The following ADGRL3 variants were observed in gnomAD, a reference collection of about 807,000 sequenced individuals.
The protein encoded by ADGRL3 is adhesion G protein-coupled receptor L3, also known as calcium-independent alpha-latrotoxin receptor 3.
A neutral mutation model predicts 153.5 loss-of-function variants in ADGRL3; 62 were observed. The ratio of observed to expected loss-of-function variants is 0.40; its 90% CI spans 0.33 to 0.50. The LOEUF (loss-of-function observed/expected upper bound fraction) is 0.50, where lower values mean the gene tolerates loss of function less well. Among genes scored for constraint, ADGRL3 ranks in the 20% least tolerant of loss-of-function variants. ADGRL3 has a pLI of 0.47. For synonymous variants in ADGRL3, 710 were observed against 672.5 expected (o/e 1.06, Z -0.86); for missense variants, 1,641 against 1,859.4 (o/e 0.88, Z 2.16).
At chr4:61,616,558 C>T (rs1208463653) in intron 5 of ADGRL3, among the ~76,000 whole-genome samples, 1 of 152,060 alleles carries the variant, frequency 6.6e-6, no homozygotes, top group East Asian at 1.9e-4. Flanking sequence ...AAAAACAAAA[C>T]AAAACAAAAA....
chr4:61,556,493 A>G (rs1328307763), intron 4 of ADGRL3, among the ~76,000 whole-genome samples: 1 of 152,034 alleles, frequency 6.6e-6, no homozygotes, highest in South Asian at 2.1e-4. Flanking sequence ...ACCTGCAGAA[A>G]ATGAGAGGGC....
intron 3 of ADGRL3, among the ~76,000 whole-genome samples, chr4:61,509,420 G>A (rs887067822): frequency 5.9e-5 from 9 of 152,006 alleles, no homozygotes; most frequent in Admixed American, 4.6e-4. Context: ...GAACCACTGC[G>A]CCTGGCACAT....
At chr4:61,550,726 G>A (rs2098736447) in intron 4 of ADGRL3, among the ~76,000 whole-genome samples, 2 of 151,936 alleles carry the variant, frequency 1.3e-5, no homozygotes, top group Admixed American at 1.3e-4. Context: ...AGCAGTCAAG[G>A]GGGTAGCAAA....
At chr4:61,725,109 G>T (rs2096305027) in intron 6 of ADGRL3, among the ~76,000 whole-genome samples, 1 of 152,028 alleles carries the variant, frequency 6.6e-6, no homozygotes, top group South Asian at 2.1e-4. Context: ...TATTAATTAA[G>T]CTCTGTTTAT....
intron 6 of ADGRL3, among the ~76,000 whole-genome samples, chr4:61,727,405 A>G (rs1033067027): frequency 5.3e-5 from 8 of 152,178 alleles, no homozygotes; most frequent in Non-Finnish European, 1.0e-4. Context: ...AAAAATGTAG[A>G]GAGAAAAGGA....
At chr4:61,594,817 G>C (rs1413725459) in intron 5 of ADGRL3, among the ~76,000 whole-genome samples, 2 of 152,116 alleles carry the variant, frequency 1.3e-5, no homozygotes, top group Non-Finnish European at 2.9e-5. Flanking sequence ...GCCAAGGACT[G>C]GAGTCAAAAA....
chr4:61,453,967 C>T (rs970025585), intron 2 of ADGRL3, among the ~76,000 whole-genome samples: 2 of 151,954 alleles, frequency 1.3e-5, no homozygotes, highest in African/African-American at 4.8e-5. Flanking sequence ...ATACTCTTAC[C>T]TTAAATTACT....
intron 5 of ADGRL3, among the ~76,000 whole-genome samples, chr4:61,648,828 T>G (rs1241699493): frequency 6.6e-6 from 1 of 152,080 alleles, no homozygotes; most frequent in Non-Finnish European, 1.5e-5. Context: ...TGTTCCGATT[T>G]TATTGATGAA....
At chr4:61,408,032 T>C (rs1455383495) in intron 2 of ADGRL3, among the ~76,000 whole-genome samples, 1 of 151,962 alleles carries the variant, frequency 6.6e-6, no homozygotes, top group Non-Finnish European at 1.5e-5. Context: ...AATGAGAAAT[T>C]GGGGCTTCTG....
intron 23 of ADGRL3, among the ~76,000 whole-genome samples, chr4:62,036,260 G>T (rs866135542): frequency 1.3e-5 from 2 of 151,944 alleles, no homozygotes; most frequent in Non-Finnish European, 2.9e-5. Context: ...TGGTGAGAAT[G>T]CCTTTTTCTC....
chr4:61,829,709 G>A (rs1430320248), intron 9 of ADGRL3, among the ~76,000 whole-genome samples: 1 of 152,054 alleles, frequency 6.6e-6, no homozygotes, highest in African/African-American at 2.4e-5. Flanking sequence ...TTTAAAAAAA[G>A]AACTTCTCCA....
intron 6 of ADGRL3, among the ~76,000 whole-genome samples, chr4:61,689,836 A>C (rs948190122): frequency 6.6e-6 from 1 of 152,100 alleles, no homozygotes; most frequent in African/African-American, 2.4e-5. Flanking sequence ...CAATATTATA[A>C]AAGAATAGTC....
At chr4:61,310,531 C>T (rs763371448) in intron 1 of ADGRL3, among the ~76,000 whole-genome samples, 1 of 152,076 alleles carries the variant, frequency 6.6e-6, no homozygotes, top group Non-Finnish European at 1.5e-5. Flanking sequence ...CAATTATATC[C>T]TATGCTTTGG....
chr4:61,771,228 A>G (rs2097082221), intron 8 of ADGRL3, among the ~76,000 whole-genome samples: 1 of 152,074 alleles, frequency 6.6e-6, no homozygotes, highest in Admixed American at 6.5e-5. Context: ...TTTAGGCAAG[A>G]CCCCTGTGCA....
At chr4:61,429,132 T>G (rs938661548) in intron 2 of ADGRL3, among the ~76,000 whole-genome samples, 1 of 152,170 alleles carries the variant, frequency 6.6e-6, no homozygotes, top group Non-Finnish European at 1.5e-5. Flanking sequence ...TGCTTACAGT[T>G]TTGTTAGCAC....
intron 2 of ADGRL3, among the ~76,000 whole-genome samples, chr4:61,400,590 T>C (rs915746301): frequency 6.6e-6 from 1 of 151,810 alleles, no homozygotes; most frequent in Non-Finnish European, 1.5e-5. Context: ...AAACCAGTTA[T>C]TGTGCTGCTA....
At chr4:62,001,894 G>A (rs532752026) in intron 21 of ADGRL3, among the ~76,000 whole-genome samples, 77 of 152,136 alleles carry the variant, frequency 5.1e-4, no homozygotes, top group African/African-American at 1.6e-3. Flanking sequence ...AAATCACCAC[G>A]TAAAGCCCTT....
chr4:61,667,375 T>C (rs1397446830), intron 5 of ADGRL3, among the ~76,000 whole-genome samples: 1 of 152,144 alleles, frequency 6.6e-6, no homozygotes, highest in Non-Finnish European at 1.5e-5. Context: ...TTTTTTAAAT[T>C]GCCACTGAAA....
chr4:61,758,497 G>A (rs1311358388), intron 8 of ADGRL3, among the ~76,000 whole-genome samples: 1 of 152,046 alleles, frequency 6.6e-6, no homozygotes, highest in Non-Finnish European at 1.5e-5. Flanking sequence ...GACTAGGATT[G>A]CAACCCCTGC....
Sources: gnomAD v4.1 joint callset for allele counts (sites outside exome capture counted in the v4.1 genomes callset) on GRCh38, gnomAD v4.1.1 for gene constraint, MANE v1.5 for transcripts, NCBI Gene and HGNC (gene_info 2026-07-23, HGNC 2026-07-21) for gene names.